HRG: variants seen among roughly 807,000 people sequenced by gnomAD.
HRG encodes histidine rich glycoprotein, also known as histidine-rich glycoprotein.
HRG carries 26 observed loss-of-function variants against 29.5 expected under a neutral mutation model. The observed-to-expected ratio is 0.88, with a 90% CI of 0.65 to 1.22. The LOEUF (loss-of-function observed/expected upper bound fraction) is 1.22, where lower values mean the gene tolerates loss of function less well. Among genes scored for constraint, HRG ranks in the 50% most tolerant of loss-of-function variants. The pLI is 0.00. For missense variants in HRG, 671 were observed against 654.5 expected (o/e 1.03, Z -0.28); for synonymous variants, 243 against 240.4 (o/e 1.01, Z -0.10).
At chr3:186,674,747 A>C (rs1022931036) in intron 5 of HRG, 1 of 363,354 alleles carries the variant, frequency 2.8e-6, no homozygotes, top group Non-Finnish European at 5.3e-6. Context: ...TCATTGTCCT[A>C]GGCACAGGCA....
rs3733012 is a variant in HRG, at chr3:186,672,779, T to G, written c.559-8T>G. 4.5e-4 allele frequency: 720 copies of G among 1,586,292 alleles called. 2 individuals carry two copies. The East Asian group carries it at 0.014, about 32-fold the overall frequency. ...TTCTTGAAACTATTTTGATCCCATC[T>G]GTTCTAGAGAGGAGGGGAAGGAACT... On this transcript the variant is annotated splice_region_variant and splice_polypyrimidine_tract_variant and intron_variant, in intron 4 of 6. Coordinates refer to ENST00000232003, the MANE Select transcript of HRG (RefSeq NM_000412.5).
At chr3:186,672,380 T>C (rs1718828955) in intron 4 of HRG, among the ~76,000 whole-genome samples, 4 of 152,208 alleles carry the variant, frequency 2.6e-5, no homozygotes, top group African/African-American at 9.7e-5. Flanking sequence ...CATATTGGTA[T>C]AGGAAAATGC....
At position 186,668,915 on chromosome 3, in the gene HRG, T is replaced by A; in HGVS notation, c.184-20T>A. 7.4e-7 allele frequency: 1 copy of A among 1,352,028 alleles called. No homozygotes were observed. The allele number at this position is 1,352,028 out of a possible 1,614,324, so 83.8% of individuals were successfully genotyped here. ...TAGGTTTCCATGTGCTACTCACATG[T>A]TGCTTTTGGCATTCCTCAGGAAAAT... On this transcript the variant is annotated intron_variant, in intron 1 of 6. Transcript: ENST00000232003.
In HRG at chr3:186,677,978, C is replaced by G. The variant is rs1719063385; in HGVS notation, c.*95C>G. 1.6e-6 allele frequency: 2 copies of G among 1,255,372 alleles called. No homozygotes were observed. The highest frequency in any genetic ancestry group is 2.3e-6 in the Non-Finnish European group (2 of 878,718). The allele number at this position is 1,255,372 out of a possible 1,614,324, so 77.8% of individuals were successfully genotyped here. A position where few individuals can be genotyped will look rare whatever the true frequency, so the allele number is the denominator to read the frequency against. The stretch of plus-strand genomic sequence containing the variant: ...TTGTGAAAATTACAGTTCTTTTCAA[C>G]CTACTTTCATACTGAAGATGCAGCA... On this transcript the variant is annotated 3_prime_UTR_variant, in exon 7 of 7. Transcript: ENST00000232003.
intron 5 of HRG, chr3:186,674,379 G>A (rs1718901833): frequency 6.4e-6 from 1 of 157,134 alleles, no homozygotes; most frequent in South Asian, 1.9e-4. Context: ...TACAATGGCT[G>A]ACTTTCAGAA....
At position 186,678,077 on chromosome 3, in the gene HRG, CT is replaced by C. The variant is rs1719066921; in HGVS notation, c.*195del. ...AGGAGAGGAAAGAACTCAGTGCTGCCTATTAGTAGTTAATTCTGTCACTCAC... is the reference window on the plus strand; with the variant it reads ...AGGAGAGGAAAGAACTCAGTGCTGCCATTAGTAGTTAATTCTGTCACTCAC... On this transcript the variant is annotated 3_prime_UTR_variant, in exon 7 of 7. Coordinates refer to ENST00000232003, the MANE Select transcript of HRG (RefSeq NM_000412.5). The C allele has an allele frequency of 5.1e-6, 3 of 585,832 alleles. No individual in the cohort carries two copies. The South Asian group carries it at 6.1e-5, about 12-fold the overall frequency. 36.3% of individuals were successfully genotyped at this position (585,832 alleles called of 1,614,324 possible).
At position 186,669,979 on chromosome 3, in the gene HRG, T is replaced by C; in HGVS notation, c.342T>C (p.His114=). 6.2e-7 allele frequency: 1 copy of C among 1,602,226 alleles called. No individual in the cohort carries two copies. Among genetic ancestry groups the C allele is most frequent in the Non-Finnish European group, 8.5e-7 (1 of 1,170,914 alleles). Residue 114 remains histidine (H), a synonymous_variant, in exon 3 of 7, where the codon CAT becomes CAC. Transcript: ENST00000232003. ...QCKVIATRHS[H]ESQDLRVIDF... ...AGGTAATAGCTACAAGACATTCCCA[T>C]GAATCTCAGGACCTCAGAGTGATTG...
chr3:186,668,604 G>A, intron 1 of HRG: 1 of 332,270 alleles, frequency 3.0e-6, no homozygotes, highest in East Asian at 7.4e-5. Flanking sequence ...TACAAGGACA[G>A]ATTGGAGGCC....
Position 186,677,531 on chromosome 3 carries a change from A to T in HRG, c.1226A>T (p.His409Leu). ...CCCCATGGACACCATCCCCACTGCCATGATTTCCAAGACTATGGACCTTGT... is the reference window on the plus strand; with the variant it reads ...CCCCATGGACACCATCCCCACTGCCTTGATTTCCAAGACTATGGACCTTGT... ...HHPHGHHPHC[H>L]DFQDYGPCDP... is the part of the protein sequence containing the mutation. Residue 409 changes from histidine (H) to leucine (L), a missense_variant, in exon 7 of 7, where the codon CAT becomes CTT. Physicochemically the swap from His to Leu is moderately conservative, Grantham distance 99 (BLOSUM62 -3). Transcript: ENST00000232003. 2.5e-6 allele frequency: 4 copies of T among 1,611,128 alleles called. No individual in the cohort carries two copies. Among genetic ancestry groups the T allele is most frequent in the Non-Finnish European group, 3.4e-6 (4 of 1,177,860 alleles).
At chr3:186,670,716 T>G (rs1005194704) in intron 3 of HRG, among the ~76,000 whole-genome samples, 1 of 151,932 alleles carries the variant, frequency 6.6e-6, no homozygotes, top group Non-Finnish European at 1.5e-5. Flanking sequence ...TCCAACAAAT[T>G]TTGTATTTTT....
rs1344188314 is a variant in HRG, at chr3:186,677,275, T to C, written c.970T>C (p.Cys324Arg). Residue 324 changes from cysteine to arginine, a missense_variant, in exon 7 of 7, where the codon TGC (cysteine) becomes CGC (arginine). Coordinates refer to ENST00000232003, the MANE Select transcript of HRG (RefSeq NM_000412.5). Reference sequence around the variant, plus strand: ...CCCTCCTCCACTATTGCCCATGTCCTGCTCAAGTTGTCAACATGCCACTTT... The same window carrying C: ...CCCTCCTCCACTATTGCCCATGTCCCGCTCAAGTTGTCAACATGCCACTTT... The part of the protein sequence containing the change: ...QGPPPLLPMS[C>R]SSCQHATFGT... 1 of 1,614,140 alleles carries C rather than the reference T, an allele frequency of 6.2e-7. No homozygotes were observed.
At chr3:186,675,056 C>A in intron 5 of HRG, 33 bp from the exon 6 acceptor site, 2 of 1,408,744 alleles carry the variant, frequency 1.4e-6, no homozygotes, top group Non-Finnish European at 2.0e-6. Flanking sequence ...ACCACCTGGA[C>A]ACACACACTA....
chr3:186,667,833 A>G (rs1373029351), intron 1 of HRG, among the ~76,000 whole-genome samples: 1 of 152,108 alleles, frequency 6.6e-6, no homozygotes, highest in Non-Finnish European at 1.5e-5. Context: ...GAGGTGAAAC[A>G]AGCTTACTGT....
At position 186,666,095 on chromosome 3, in the gene HRG, A is replaced by G. The variant is rs1477794497; in HGVS notation, c.64A>G (p.Thr22Ala). Residue 22 changes from threonine to alanine, a missense_variant, in exon 1 of 7, where the codon ACT (threonine) becomes GCT (alanine). Thr to Ala is a moderately conservative substitution (Grantham distance 58). Transcript: ENST00000232003. ...GCAGTATTCGTGTGCCGTGAGTCCCACTGACTGCAGTGCTGTTGAGCCGGA... is the reference window on the plus strand; with the variant it reads ...GCAGTATTCGTGTGCCGTGAGTCCCGCTGACTGCAGTGCTGTTGAGCCGGA... ...TLQYSCAVSP[T>A]DCSAVEPEAE... The G allele has an allele frequency of 6.2e-7, 1 of 1,614,062 alleles. No individual in the cohort carries two copies. Among genetic ancestry groups the G allele is most frequent in the Non-Finnish European group, 8.5e-7 (1 of 1,180,018 alleles).
rs1264882507 is a variant in HRG, at chr3:186,677,867, A to G, written c.1562A>G (p.His521Arg). 3 of 1,613,686 alleles carry G rather than the reference A, an allele frequency of 1.9e-6. No individual in the cohort carries two copies. The highest frequency in any genetic ancestry group is 2.2e-5 in the South Asian group (2 of 91,046). Residue 521 changes from histidine (H) to arginine (R), a missense_variant, in exon 7 of 7, where the codon CAT (histidine) becomes CGT (arginine). Physicochemically the swap from His to Arg is conservative, Grantham distance 29. Coordinates refer to ENST00000232003, the MANE Select transcript of HRG (RefSeq NM_000412.5). ...CCACAAGTTTCCATGTTTTTTACAC[A>G]TACATTTCCAAAATAAAATGTGATT... ...GFPQVSMFFT[H>R]TFPK
rs1488031803 is a variant in HRG at position 186,677,571 on chromosome 3, T to A, written c.1266T>A (p.His422Gln). The change falls in exon 7 of 7, where the codon CAT becomes CAA. Residue 422 changes from histidine to glutamine, a missense_variant. By Grantham distance (24) the His-to-Gln change is conservative. Transcript: ENST00000232003. ...ATGGACCTTGTGACCCACCACCCCA[T>A]AACCAAGGTCACTGTTGCCATGGCC... Reference protein sequence around the residue: ...QDYGPCDPPPHNQGHCCHGHG... With the variant: ...QDYGPCDPPPQNQGHCCHGHG... 1 of 1,613,834 alleles carries A rather than the reference T, an allele frequency of 6.2e-7. No homozygotes were observed. The highest frequency in any genetic ancestry group is 2.2e-5 in the East Asian group (1 of 44,860).
At chr3:186,675,028 C>G in intron 5 of HRG, 61 bp from the exon 6 acceptor site, 1 of 1,088,844 alleles carries the variant, frequency 9.2e-7, no homozygotes. Context: ...GAAGCTAACT[C>G]TGGCTGGTCA....
chr3:186,666,642 C>T (rs544777133), intron 1 of HRG, among the ~76,000 whole-genome samples: 5 of 152,276 alleles, frequency 3.3e-5, no homozygotes, highest in South Asian at 4.2e-4. Flanking sequence ...AGGCCAGGCG[C>T]GGTGGCTCAC....
intron 5 of HRG, chr3:186,673,293 G>T: frequency 3.5e-6 from 1 of 286,844 alleles, no homozygotes; most frequent in Non-Finnish European, 6.8e-6. Context: ...TAGTAGAGAT[G>T]GGGTTTCACC....
Sources: gnomAD v4.1 joint callset for allele counts (sites outside exome capture counted in the v4.1 genomes callset) on GRCh38, gnomAD v4.1.1 for gene constraint, MANE v1.5 for transcripts, NCBI Gene and HGNC (gene_info 2026-07-23, HGNC 2026-07-21) for gene names.